Variants in GNB1 observed in about 807,000 individuals in gnomAD.
The protein encoded by GNB1 is G protein subunit beta 1.
Under a neutral mutation model 42.9 loss-of-function variants are expected in GNB1, and 2 were observed. The ratio of observed to expected loss-of-function variants is 0.05; its 90% CI spans 0.02 to 0.15. The LOEUF (loss-of-function observed/expected upper bound fraction) is 0.15. Ranked by LOEUF, GNB1 falls within the 10% of genes least tolerant of loss-of-function variation. The pLI is 1.00. For synonymous variants in GNB1, 183 were observed against 174.7 expected (o/e 1.05, Z -0.38); for missense variants, 193 against 462.2 (o/e 0.42, Z 5.34).
intron 1 of GNB1, among the ~76,000 whole-genome samples, chr1:1,885,868 TAA>T (rs79504690): frequency 9.2e-5 from 12 of 130,192 alleles, no homozygotes; most frequent in Admixed American, 1.5e-4. Context: ...CACTTAATCT[TAA>T]AAAAAAAAAA....
chr1:1,806,522 A>C lies in GNB1; in HGVS notation c.220T>G (p.Ser74Ala). Residue 74 changes from serine (S) to alanine (A), a missense_variant, in exon 6 of 12, where the codon TCG becomes GCG. Transcript: ENST00000378609. ...GTDSRLLVSASQDGKLIIWDS... is the reference protein window; with the variant it reads ...GTDSRLLVSAAQDGKLIIWDS... ...CAGATGATAAGTTTACCATCCTGCG[A>C]GGCACTGACGAGAAGCCTGGAGGGA... is the stretch of plus-strand genomic sequence containing the variant. The C allele has an allele frequency of 6.2e-7, 1 of 1,609,964 alleles. No homozygotes were observed. Among genetic ancestry groups the C allele is most frequent in the Non-Finnish European group, 8.5e-7 (1 of 1,176,398 alleles).
chr1:1,811,750 TCAAA>T (rs1475280699), intron 5 of GNB1, among the ~76,000 whole-genome samples: 2 of 148,640 alleles, frequency 1.3e-5, no homozygotes, highest in Non-Finnish European at 1.5e-5. Context: ...TGTCCATAAA[TCAAA>T]CAAACACAGT....
chr1:1,815,750 G>A lies in GNB1; in HGVS notation c.203+6C>T, dbSNP rs747813620. 14 of 1,483,390 alleles carry A rather than the reference G, an allele frequency of 9.4e-6. No individual in the cohort carries two copies. Among genetic ancestry groups the A allele is most frequent in the African/African-American group, 6.9e-5 (5 of 72,396 alleles). The allele number at this position is 1,483,390 out of a possible 1,614,324, so 91.9% of individuals were successfully genotyped here. ...CAAGCAGCATCCTGCTCATGCCCAC[G>A]CCTACCTGGAGTCTGTGCCCCAGTG... On this transcript the variant is annotated splice_donor_region_variant and intron_variant, in intron 5 of 11. Transcript: ENST00000378609.
Position 1,787,576 on chromosome 1 carries a change from A to G in GNB1, c.917-139T>C. The G allele has an allele frequency of 1.8e-6, 1 of 569,224 alleles. No individual in the cohort carries two copies. The highest frequency in any genetic ancestry group is 3.0e-5 in the East Asian group (1 of 33,208). The allele number at this position is 569,224 out of a possible 1,614,324, so 35.3% of individuals were successfully genotyped here. A position where few individuals can be genotyped will look rare whatever the true frequency, so the allele number is the denominator to read the frequency against. On this transcript the variant is annotated intron_variant, in intron 10 of 11. Coordinates refer to ENST00000378609, the MANE Select transcript of GNB1 (RefSeq NM_002074.5). This position sits in a 1 kb window ranked among gnomAD's most constrained non-coding sequence, Gnocchi z 4.4. ...CTCCCACGGCCAGGAAGGGAGGGAA[A>G]GTTGCATCCACGTGGGGAATTAACC...
At chr1:1,828,598 C>T (rs564587913) in intron 2 of GNB1, among the ~76,000 whole-genome samples, 3 of 152,210 alleles carry the variant, frequency 2.0e-5, no homozygotes, top group African/African-American at 4.8e-5. Context: ...TGCCAAAACT[C>T]GCTAACTTTC....
chr1:1,855,197 T>C (rs1197746308), intron 1 of GNB1, among the ~76,000 whole-genome samples: 2 of 147,210 alleles, frequency 1.4e-5, no homozygotes, highest in South Asian at 2.1e-4. Context: ...GGTGGATACC[T>C]GTAATCCCAG....
chr1:1,875,204 T>C (rs1649475606), intron 1 of GNB1, among the ~76,000 whole-genome samples: 2 of 151,982 alleles, frequency 1.3e-5, no homozygotes, highest in Admixed American at 1.3e-4. Flanking sequence ...TGGTTTTTTT[T>C]TTTTGGAGAC....
At chr1:1,886,835 A>G (rs1220688720) in intron 1 of GNB1, among the ~76,000 whole-genome samples, 3 of 152,130 alleles carry the variant, frequency 2.0e-5, no homozygotes. Flanking sequence ...CCTCCTGAGT[A>G]GCTGGGATTA....
chr1:1,880,465 G>A (rs1431989578), intron 1 of GNB1, among the ~76,000 whole-genome samples: 2 of 151,934 alleles, frequency 1.3e-5, no homozygotes, highest in African/African-American at 2.4e-5. Flanking sequence ...GGGGGTGCCT[G>A]TAGTCCCAGC....
At chr1:1,843,568 G>C (rs1386923422) in intron 1 of GNB1, among the ~76,000 whole-genome samples, 3 of 152,168 alleles carry the variant, frequency 2.0e-5, no homozygotes, top group African/African-American at 7.2e-5. Context: ...CTCAAATCAT[G>C]ACTCAAGATT....
intron 2 of GNB1, among the ~76,000 whole-genome samples, chr1:1,833,805 A>G (rs1647108325): frequency 6.6e-6 from 1 of 152,068 alleles, no homozygotes; most frequent in Non-Finnish European, 1.5e-5. Context: ...TTGAGGTGCT[A>G]TTTTTTGCAA....
At chr1:1,859,612 G>A (rs1395987142) in intron 1 of GNB1, among the ~76,000 whole-genome samples, 1 of 151,856 alleles carries the variant, frequency 6.6e-6, no homozygotes, top group East Asian at 1.9e-4. Flanking sequence ...ATTGGCAGGA[G>A]TGGGGGAGGA....
intron 1 of GNB1, among the ~76,000 whole-genome samples, chr1:1,860,744 A>G (rs1648578205): frequency 6.6e-6 from 1 of 151,742 alleles, no homozygotes; most frequent in Non-Finnish European, 1.5e-5. Flanking sequence ...GTCCCCACAA[A>G]CCGACCAGAC....
At chr1:1,793,031 T>A (rs1249039291) in intron 8 of GNB1, among the ~76,000 whole-genome samples, 1 of 150,494 alleles carries the variant, frequency 6.6e-6, no homozygotes, top group Non-Finnish European at 1.5e-5. Context: ...GCCATTGTAC[T>A]CCAGCCTGGG....
intron 5 of GNB1, among the ~76,000 whole-genome samples, chr1:1,810,019 G>A (rs780374685): frequency 6.6e-5 from 10 of 151,816 alleles, no homozygotes; most frequent in Admixed American, 1.3e-4. Context: ...GATTGGTTAA[G>A]TCCAGGAGTT....
At chr1:1,855,703 CA>C (rs1040598363) in intron 1 of GNB1, among the ~76,000 whole-genome samples, 1 of 129,502 alleles carries the variant, frequency 7.7e-6, no homozygotes. Flanking sequence ...GACTCCGTCT[CA>C]AAAAAAAAAC....
intron 1 of GNB1, among the ~76,000 whole-genome samples, chr1:1,889,342 C>A (rs1308701489): frequency 1.3e-5 from 2 of 152,162 alleles, no homozygotes; most frequent in Non-Finnish European, 2.9e-5. Context: ...CATGAAAATA[C>A]AATGAACCAA....
chr1:1,837,364 C>T (rs1401523845), intron 2 of GNB1, among the ~76,000 whole-genome samples: 1 of 151,362 alleles, frequency 6.6e-6, no homozygotes, highest in Non-Finnish European at 1.5e-5. Context: ...ATGCCATTCT[C>T]CTGCCTTGGC....
chr1:1,786,896 T>C lies in GNB1; in HGVS notation c.*167A>G, dbSNP rs563250139. The C allele has an allele frequency of 1.3e-5, 2 of 153,184 alleles. No homozygotes were observed. The highest frequency in any genetic ancestry group is 2.1e-4 in the South Asian group (1 of 4,872). The allele number at this position is 153,184 out of a possible 1,614,324, so 9.5% of individuals were successfully genotyped here. A position where few individuals can be genotyped will look rare whatever the true frequency, so the allele number is the denominator to read the frequency against. On this transcript the variant is annotated 3_prime_UTR_variant, in exon 12 of 12. Transcript: ENST00000378609. ...ATCTTTCTCTCAATGGGAATTGTGC[T>C]CTTGGTTTCAGCAATAAGTGAAGGA...
Sources: allele counts gnomAD v4.1 joint callset (sites outside exome capture counted in the v4.1 genomes callset), GRCh38; gene constraint gnomAD v4.1.1; non-coding constraint Gnocchi (gnomAD v3.1); transcripts MANE v1.5; gene names NCBI Gene and HGNC (gene_info 2026-07-23, HGNC 2026-07-21).